Variants in SUGP1 observed in about 807,000 individuals in gnomAD.
The protein encoded by SUGP1 is SURP and G-patch domain-containing protein 1.
In SUGP1, 34 loss-of-function variants were observed where a neutral mutation model predicts 76.5. That is an observed-to-expected ratio of 0.44 (90% CI 0.34 to 0.59). The LOEUF is 0.59. SUGP1 is among the 20% of genes least tolerant of loss of function. The pLI is 0.01. For synonymous variants in SUGP1, 326 were observed against 326.2 expected, an observed-to-expected ratio of 1.00 and a Z score of 0.01; for missense variants, 752 against 851.7, an observed-to-expected ratio of 0.88 and a Z score of 1.46.
chr19:19,312,814 C>T (rs1211803121), intron 2 of SUGP1, among the ~76,000 whole-genome samples: 1 of 151,444 alleles, frequency 6.6e-6, no homozygotes, highest in Non-Finnish European at 1.5e-5. Flanking sequence ...AGTGAAACCC[C>T]GTCTCTACTA....
At chr19:19,300,238 G>A (rs1167524308) in intron 7 of SUGP1, among the ~76,000 whole-genome samples, 2 of 151,586 alleles carry the variant, frequency 1.3e-5, no homozygotes, top group Non-Finnish European at 2.9e-5. Context: ...ACCATGCCCA[G>A]TTAATTTCTA....
chr19:19,320,343 G>C (rs1393592244), intron 1 of SUGP1, 120 bp downstream of exon 1: 4 of 1,095,678 alleles, frequency 3.7e-6, no homozygotes, highest in South Asian at 1.7e-5. Context: ...GACGCTGTGG[G>C]CTGCCCCGGG....
intron 7 of SUGP1, among the ~76,000 whole-genome samples, chr19:19,298,284 G>C (rs910309782): frequency 1.3e-5 from 2 of 152,172 alleles, no homozygotes; most frequent in Non-Finnish European, 2.9e-5. Context: ...GATCACCTGA[G>C]GTCAGGAGTT....
chr19:19,291,955 C>T lies in SUGP1; in HGVS notation c.1243+5034G>A, dbSNP rs183742921. ...CACAAAAGGGCCAAGAATTAGATAG[C>T]TTCACTGGTAAAGCAAACATTTAAA... On this transcript the variant is annotated intron_variant, in intron 8 of 13. Coordinates refer to ENST00000247001, the MANE Select transcript of SUGP1 (RefSeq NM_172231.4). Among the ~76,000 whole-genome samples the T allele has an allele frequency of 1.7e-4, 25 of 145,526 alleles. No individual in the cohort carries two copies. In the East Asian group the frequency reaches 4.3e-3, roughly 25 times the overall value.
rs896681510 is a variant in SUGP1, at chr19:19,277,029, G to A, written c.1829C>T (p.Ala610Val). The A allele has an allele frequency of 4.3e-6, 7 of 1,611,830 alleles. No homozygotes were observed. Among genetic ancestry groups the A allele is most frequent in the Non-Finnish European group, 5.9e-6 (7 of 1,179,850 alleles). ...CTCGTCGTCCTCCTTGGAGAGCTCC[G>A]CCGGCCGGTCAATGCCGAAGCCAGC... The part of the protein sequence containing the change: ...DGAGFGIDRP[A>V]ELSKEDDEYE... Residue 610 changes from alanine to valine, a missense_variant, in exon 13 of 14, where the codon GCG becomes GTG. Ala to Val is a moderately conservative substitution (Grantham distance 64, BLOSUM62 0). Coordinates refer to ENST00000247001, the MANE Select transcript of SUGP1 (RefSeq NM_172231.4).
At chr19:19,278,878 T>G in intron 10 of SUGP1, 82 bp from the exon 11 acceptor site, 121 of 1,423,366 alleles carry the variant, frequency 8.5e-5, no homozygotes, top group Middle Eastern at 1.8e-4. Context: ...GGCACAGGTA[T>G]GAGGCTCAGT....
chr19:19,303,237 C>G (rs1044246579), intron 6 of SUGP1, 111 bp downstream of exon 6: 2 of 873,746 alleles, frequency 2.3e-6, no homozygotes, highest in Non-Finnish European at 3.7e-6. Flanking sequence ...AGGCCTCAAC[C>G]ACCGGTGCCA....
intron 2 of SUGP1, among the ~76,000 whole-genome samples, chr19:19,313,672 G>A (rs1036714468): frequency 2.6e-5 from 4 of 152,084 alleles, no homozygotes; most frequent in African/African-American, 9.7e-5. Context: ...TAGTGCCACT[G>A]TACTGCAGCC....
rs145319440 is a variant in SUGP1 at position 19,276,718 on chromosome 19, A to G, written c.1912-44T>C. 2.2e-4 allele frequency: 358 copies of G among 1,613,588 alleles called. 2 individuals carry two copies. In the East Asian group the frequency reaches 7.7e-3, roughly 35 times the overall value. On this transcript the variant is annotated intron_variant, in intron 13 of 13. Transcript: ENST00000247001. ...ATAACAGGAGGAGGGGATTAGCACTAAAGACAGCAGTTCCTCCTGTCTGGA... is the reference window on the plus strand; with the variant it reads ...ATAACAGGAGGAGGGGATTAGCACTGAAGACAGCAGTTCCTCCTGTCTGGA...
intron 8 of SUGP1, among the ~76,000 whole-genome samples, chr19:19,294,909 A>G (rs992279693): frequency 6.6e-6 from 1 of 152,226 alleles, no homozygotes; most frequent in Non-Finnish European, 1.5e-5. Flanking sequence ...ATAGAATGAG[A>G]GAAAGTATTT....
intron 7 of SUGP1, 141 bp from the exon 8 acceptor site, chr19:19,297,485 T>G (rs1264733478): frequency 3.7e-6 from 2 of 546,008 alleles, no homozygotes; most frequent in Non-Finnish European, 6.0e-6. Context: ...GTCTCCACCA[T>G]GACCTCCTGC....
intron 3 of SUGP1, 116 bp from the exon 4 acceptor site, chr19:19,306,192 C>CAGGG: frequency 9.6e-7 from 1 of 1,038,838 alleles, no homozygotes; most frequent in East Asian, 2.8e-5. Context: ...TTCCAGAACT[C>CAGGG]AGGGGCTCAG....
chr19:19,279,912 C>T (rs1174159722), intron 9 of SUGP1, among the ~76,000 whole-genome samples: 1 of 152,218 alleles, frequency 6.6e-6, no homozygotes. Context: ...CCACAAAGCT[C>T]AGGCCAGGAT....
rs368804392 is a variant in SUGP1, at chr19:19,282,852, C to T, written c.1244-2561G>A. 1.9e-3 allele frequency among the ~76,000 whole-genome samples: 287 copies of T among 152,182 alleles called. 3 individuals carry two copies. The highest frequency in any genetic ancestry group is 6.2e-3 in the African/African-American group (257 of 41,520). ...CAGAACTTTGGGAGGCCAAGGTGGG[C>T]GGATCACAAGGTCAGAAGATCGAGA... is the stretch of plus-strand genomic sequence containing the variant. On this transcript the variant is annotated intron_variant, in intron 8 of 13. Coordinates refer to ENST00000247001, the MANE Select transcript of SUGP1 (RefSeq NM_172231.4).
chr19:19,292,143 G>C (rs1484556269), intron 8 of SUGP1, among the ~76,000 whole-genome samples: 2 of 151,066 alleles, frequency 1.3e-5, no homozygotes, highest in Non-Finnish European at 2.9e-5. Flanking sequence ...TATGGTGGCA[G>C]GTGCCTGTAA....
Position 19,276,101 on chromosome 19 carries a change from C to A in SUGP1, c.*547G>T, listed in dbSNP as rs1255110425. 6.4e-6 allele frequency: 1 copy of A among 156,328 alleles called. No individual in the cohort carries two copies. Among genetic ancestry groups the A allele is most frequent in the Non-Finnish European group, 1.4e-5 (1 of 70,432 alleles). 9.7% of individuals were successfully genotyped at this position (156,328 alleles called of 1,614,324 possible). On this transcript the variant is annotated 3_prime_UTR_variant, in exon 14 of 14. Coordinates refer to ENST00000247001, the MANE Select transcript of SUGP1 (RefSeq NM_172231.4). ...ACAGAGTCTTGCTCTCTTGCCCAGG[C>A]TGGAGTGCAAAGGCGCAATCTTGGC...
At position 19,297,184 on chromosome 19, in the gene SUGP1, C is replaced by T. The variant is rs759210238; in HGVS notation, c.1048G>A (p.Ala350Thr). 6.2e-7 allele frequency: 1 copy of T among 1,609,884 alleles called. No homozygotes were observed. The highest frequency in any genetic ancestry group is 2.2e-5 in the East Asian group (1 of 44,780). ...PEALSGSLPPATTCPASSTPA... is the reference protein window; with the variant it reads ...PEALSGSLPPTTTCPASSTPA... The stretch of plus-strand genomic sequence containing the variant: ...GTGGACGAGGCGGGGCAGGTGGTGG[C>T]TGGGGGTAAGGACCCTGACAGGGCC... Residue 350 changes from alanine to threonine, a missense_variant, in exon 8 of 14, where the codon GCC becomes ACC. Around this residue, in one of 2 missense-constraint regions of SUGP1, gnomAD observed 620 missense variants for 617.3 expected, o/e 1.00. Coordinates refer to ENST00000247001, the MANE Select transcript of SUGP1 (RefSeq NM_172231.4).
rs2061064963 is a variant in SUGP1, at chr19:19,277,723, G to A, written c.1781+11C>T. On this transcript the variant is annotated intron_variant, in intron 12 of 13. Coordinates refer to ENST00000247001, the MANE Select transcript of SUGP1 (RefSeq NM_172231.4). ...GTTCATGGCCATGCCCTCCCACAAGGCCACACTCACTTGTTCACTGGGTTC... is the reference window on the plus strand; with the variant it reads ...GTTCATGGCCATGCCCTCCCACAAGACCACACTCACTTGTTCACTGGGTTC... 6.2e-7 allele frequency: 1 copy of A among 1,613,212 alleles called. No individual in the cohort carries two copies. The highest frequency in any genetic ancestry group is 8.5e-7 in the Non-Finnish European group (1 of 1,179,642).
intron 2 of SUGP1, among the ~76,000 whole-genome samples, chr19:19,312,007 TTA>T (rs1279946746): frequency 1.3e-5 from 2 of 151,392 alleles, no homozygotes; most frequent in African/African-American, 4.9e-5. Flanking sequence ...CAGAGGCTCA[TTA>T]TGGAACAAAT....
Sources: gnomAD v4.1 joint callset for allele counts (sites outside exome capture counted in the v4.1 genomes callset) on GRCh38, gnomAD v4.1.1 for gene constraint, gnomAD v4.1.1 regional missense constraint, MANE v1.5 for transcripts, NCBI Gene and HGNC (gene_info 2026-07-23, HGNC 2026-07-21) for gene names.